COLEC11: variants seen among roughly 807,000 people sequenced by gnomAD.
COLEC11 encodes the protein collectin subfamily member 11, also known as collectin-11.
A neutral mutation model predicts 27.3 loss-of-function variants in COLEC11; 20 were observed. The observed-to-expected ratio is 0.73, with a 90% CI of 0.51 to 1.06. The LOEUF is 1.06. Ranked by LOEUF, COLEC11 falls within the 50% of genes least tolerant of loss-of-function variation. The pLI, the probability that COLEC11 is intolerant of heterozygous loss-of-function variation, is 0.00. For synonymous variants in COLEC11, 163 were observed against 154.7 expected (o/e 1.05, Z -0.40); for missense variants, 310 against 383.0 (o/e 0.81, Z 1.59).
chr2:3,631,743 G>A (rs376757302), intron 3 of COLEC11, among the ~76,000 whole-genome samples: 5 of 152,024 alleles, frequency 3.3e-5, no homozygotes, highest in Admixed American at 6.6e-5. Flanking sequence ...GACTCTGCTC[G>A]GAGGGGGCTC....
chr2:3,641,227 CT>C lies in COLEC11; in HGVS notation c.328+898del, dbSNP rs1028847919. On this transcript the variant is annotated intron_variant, in intron 5 of 6. Transcript: ENST00000349077. ...GGGGCTGGATTTCTGAATAAAAGTC[CT>C]TGTTTTAAAAGCTCCTTCGGCACCG... is the stretch of plus-strand genomic sequence containing the variant. 40 of 1,304,158 alleles carry C rather than the reference CT, an allele frequency of 3.1e-5. No individual in the cohort carries two copies. In the African/African-American group the frequency reaches 5.8e-4, roughly 19 times the overall value. The allele number at this position is 1,304,158 out of a possible 1,614,324, so 80.8% of individuals were successfully genotyped here.
intron 3 of COLEC11, among the ~76,000 whole-genome samples, chr2:3,633,394 C>G (rs1665153796): frequency 6.6e-6 from 1 of 152,266 alleles, no homozygotes; most frequent in Non-Finnish European, 1.5e-5. Flanking sequence ...ATCTCTGAAT[C>G]ACACGGCCAG....
At chr2:3,616,375 G>A (rs956116472) in intron 3 of COLEC11, among the ~76,000 whole-genome samples, 3 of 151,864 alleles carry the variant, frequency 2.0e-5, no homozygotes, top group African/African-American at 7.3e-5. Context: ...GGCAGAGGCT[G>A]CAATCTCGGC....
At chr2:3,608,262 C>T (rs1662892870) in intron 2 of COLEC11, among the ~76,000 whole-genome samples, 1 of 152,216 alleles carries the variant, frequency 6.6e-6, no homozygotes, top group Admixed American at 6.5e-5. Flanking sequence ...GAGAGAGCTG[C>T]GTTGTGGTGA....
chr2:3,629,869 A>G (rs1664845117), intron 3 of COLEC11, among the ~76,000 whole-genome samples: 1 of 152,186 alleles, frequency 6.6e-6, no homozygotes, highest in South Asian at 2.1e-4. Flanking sequence ...ATGTTTGTGT[A>G]CACATGTATC....
chr2:3,615,823 TCC>T, intron 3 of COLEC11, among the ~76,000 whole-genome samples: 1 of 26,414 alleles, frequency 3.8e-5, no homozygotes, highest in Admixed American at 6.4e-4. Context: ...CCCACCTCCC[TCC>T]CGGACGCGGC....
At chr2:3,642,310 C>T (rs546393092) in intron 5 of COLEC11, among the ~76,000 whole-genome samples, 5 of 152,258 alleles carry the variant, frequency 3.3e-5, no homozygotes, top group East Asian at 1.9e-4. Flanking sequence ...AGGAGCAGCA[C>T]GCGTGTGGTC....
intron 4 of COLEC11, among the ~76,000 whole-genome samples, chr2:3,638,132 C>T (rs1275283928): frequency 3.3e-5 from 5 of 152,230 alleles, no homozygotes; most frequent in Admixed American, 2.0e-4. Flanking sequence ...GCACCGTCTC[C>T]GCTGCTGCAT....
intron 2 of COLEC11, chr2:3,605,120 G>C (rs909814073): frequency 2.1e-6 from 1 of 469,150 alleles, no homozygotes; most frequent in African/African-American, 2.0e-5. Flanking sequence ...ACAAAGCAGA[G>C]GCAACAGGTC....
chr2:3,606,310 C>G, intron 2 of COLEC11: 1 of 1,394,552 alleles, frequency 7.2e-7, no homozygotes, highest in Non-Finnish European at 9.9e-7. Context: ...GCCGCCTTTC[C>G]CAGGTGCTGT....
At chr2:3,631,197 C>T (rs1487043918) in intron 3 of COLEC11, among the ~76,000 whole-genome samples, 1 of 151,616 alleles carries the variant, frequency 6.6e-6, no homozygotes, top group Non-Finnish European at 1.5e-5. Flanking sequence ...CACTACTGCA[C>T]TCCAGCCTGC....
intron 2 of COLEC11, among the ~76,000 whole-genome samples, chr2:3,606,865 A>T (rs1482523925): frequency 1.3e-5 from 2 of 152,228 alleles, no homozygotes; most frequent in African/African-American, 2.4e-5. Flanking sequence ...GCTGGAGGTC[A>T]AAGAGGAGAG....
chr2:3,622,849 A>G (rs894974709), intron 3 of COLEC11, among the ~76,000 whole-genome samples: 7 of 152,224 alleles, frequency 4.6e-5, no homozygotes, highest in Non-Finnish European at 8.8e-5. Context: ...AGTAATGGCA[A>G]CAGAAAACAG....
intron 1 of COLEC11, among the ~76,000 whole-genome samples, chr2:3,599,508 G>A (rs1432635880): frequency 6.6e-6 from 1 of 152,238 alleles, no homozygotes; most frequent in Non-Finnish European, 1.5e-5. Flanking sequence ...GCCATTTGGT[G>A]AGCATTTGCT....
intron 4 of COLEC11, among the ~76,000 whole-genome samples, chr2:3,637,805 G>A (rs969835703): frequency 1.3e-5 from 2 of 152,196 alleles, no homozygotes; most frequent in Admixed American, 1.3e-4. Flanking sequence ...TACAGGGTGC[G>A]GTGAAGCGCT....
At chr2:3,604,590 T>C (rs778707399) in intron 2 of COLEC11, 120 bp downstream of exon 2, 17 of 1,118,990 alleles carry the variant, frequency 1.5e-5, no homozygotes, top group Admixed American at 5.1e-5. Context: ...GCTTACCCCA[T>C]TGGGTCTCAG....
At chr2:3,639,326 G>A (rs1416178994) in intron 4 of COLEC11, among the ~76,000 whole-genome samples, 1 of 152,182 alleles carries the variant, frequency 6.6e-6, no homozygotes, top group Non-Finnish European at 1.5e-5. Context: ...GGCAGATTCC[G>A]GCATCTCCTA....
rs376182050 is a variant in COLEC11, at chr2:3,643,555, C to T, written c.424+16C>T. 961 of 1,608,414 alleles carry T rather than the reference C, an allele frequency of 6.0e-4. 6 individuals carry two copies. In the African/African-American group the frequency reaches 0.012, roughly 19 times the overall value. On this transcript the variant is annotated intron_variant, in intron 6 of 6. Transcript: ENST00000349077. ...ATCAAGAATGGTATGTGGCTCCCGGCGCCGCCCTCGCTCCCTCCCACCTCC... is the reference window on the plus strand; with the variant it reads ...ATCAAGAATGGTATGTGGCTCCCGGTGCCGCCCTCGCTCCCTCCCACCTCC...
rs1320041369 is a variant in COLEC11 at position 3,615,814 on chromosome 2, C to T, written c.202+2432C>T. Among the ~76,000 whole-genome samples the T allele has an allele frequency of 4.8e-4, 13 of 27,288 alleles. No individual in the cohort carries two copies. In the East Asian group the frequency reaches 0.018, roughly 39 times the overall value. The allele number at this position is 27,288 out of a possible 152,430, so 17.9% of individuals were successfully genotyped here. Reference sequence around the variant, plus strand: ...CGGCTGGCCAGGCAGGGGCTGCCCCCCACCTCCCTCCCGGACGCGGCGGCT... The same window carrying T: ...CGGCTGGCCAGGCAGGGGCTGCCCCTCACCTCCCTCCCGGACGCGGCGGCT... On this transcript the variant is annotated intron_variant, in intron 3 of 6. Coordinates refer to ENST00000349077, the MANE Select transcript of COLEC11 (RefSeq NM_024027.5).
Sources: gnomAD v4.1 joint callset for allele counts (sites outside exome capture counted in the v4.1 genomes callset) on GRCh38, gnomAD v4.1.1 for gene constraint, MANE v1.5 for transcripts, NCBI Gene and HGNC (gene_info 2026-07-23, HGNC 2026-07-21) for gene names.